Variants in GORASP2 observed in about 807,000 individuals in gnomAD.
The protein encoded by GORASP2 is Golgi reassembly-stacking protein 2.
Under a neutral mutation model 45.7 loss-of-function variants are expected in GORASP2, and 22 were observed. The ratio of observed to expected loss-of-function variants is 0.48; its 90% CI spans 0.34 to 0.69. The LOEUF (loss-of-function observed/expected upper bound fraction) is 0.69, where lower values mean the gene tolerates loss of function less well. GORASP2 is among the 30% of genes least tolerant of loss of function. GORASP2 has a pLI of 0.01. For missense variants in GORASP2, 491 were observed against 562.7 expected (o/e 0.87, Z 1.29); for synonymous variants, 221 against 215.6 (o/e 1.02, Z -0.22).
At position 170,959,067 on chromosome 2, in the gene GORASP2, T is replaced by C. The variant is rs1290826757; in HGVS notation, c.823+2508T>C. Among the ~76,000 whole-genome samples, 5 of 151,866 alleles carry C rather than the reference T, an allele frequency of 3.3e-5. No homozygotes were observed. The East Asian group carries it at 9.7e-4, about 29-fold the overall frequency. On this transcript the variant is annotated intron_variant, in intron 7 of 9. Transcript: ENST00000234160. ...CCTCCGCCTCCTGGGTTCAAGCGAT[T>C]TTCCTGCCCCAGCCTCCCGAGTAGC...
intron 5 of GORASP2, chr2:170,953,796 A>G (rs904141788): frequency 1.3e-5 from 2 of 152,252 alleles, no homozygotes; most frequent in African/African-American, 4.8e-5. Context: ...GATAGGAAGA[A>G]GTATTTGGCA....
chr2:170,960,232 C>A (rs962511433), intron 7 of GORASP2, among the ~76,000 whole-genome samples: 1 of 152,150 alleles, frequency 6.6e-6, no homozygotes, highest in African/African-American at 2.4e-5. Context: ...TGTAAAGTGC[C>A]TCAGTGCCTT....
intron 1 of GORASP2, among the ~76,000 whole-genome samples, chr2:170,937,539 T>C (rs547710130): frequency 6.6e-6 from 1 of 152,104 alleles, no homozygotes; most frequent in East Asian, 1.9e-4. Flanking sequence ...CTTTGTGGCA[T>C]GTGCCTGTAG....
At chr2:170,965,690 C>CA in intron 9 of GORASP2, 100 bp from the exon 10 acceptor site, 1 of 847,178 alleles carries the variant, frequency 1.2e-6, no homozygotes, top group East Asian at 2.5e-5. Context: ...TCCTCAACTT[C>CA]AGTTTCCTTA....
chr2:170,939,491 G>C lies in GORASP2; in HGVS notation c.64-8859G>C, dbSNP rs539225337. 1.8e-3 allele frequency among the ~76,000 whole-genome samples: 276 copies of C among 152,330 alleles called. 2 individuals carry two copies. The highest frequency in any genetic ancestry group is 6.3e-3 in the African/African-American group (262 of 41,572). On this transcript the variant is annotated intron_variant, in intron 1 of 9. Coordinates refer to ENST00000234160, the MANE Select transcript of GORASP2 (RefSeq NM_015530.5). Reference sequence around the variant, plus strand: ...CACAGTTTGACTTTCTGTGGCTTCAGTTACCTTTGGTCAACTGAGGTCCAA... The same window carrying C: ...CACAGTTTGACTTTCTGTGGCTTCACTTACCTTTGGTCAACTGAGGTCCAA...
chr2:170,963,423 C>G (rs1254159199), intron 9 of GORASP2, among the ~76,000 whole-genome samples: 2 of 148,344 alleles, frequency 1.3e-5, no homozygotes, highest in African/African-American at 5.1e-5. Flanking sequence ...TCTCTCAGTC[C>G]CCGCTGCTAC....
At chr2:170,932,920 C>T (rs536832108) in intron 1 of GORASP2, among the ~76,000 whole-genome samples, 1 of 152,308 alleles carries the variant, frequency 6.6e-6, no homozygotes, top group African/African-American at 2.4e-5. Context: ...GAATGCTACA[C>T]ATTCACTCAA....
At chr2:170,945,465 C>T (rs1704161624) in intron 1 of GORASP2, among the ~76,000 whole-genome samples, 1 of 149,610 alleles carries the variant, frequency 6.7e-6, no homozygotes, top group Admixed American at 6.7e-5. Flanking sequence ...GCACCCCACT[C>T]CACTACAGCC....
chr2:170,953,035 A>G (rs984635944), intron 5 of GORASP2, among the ~76,000 whole-genome samples: 1 of 152,152 alleles, frequency 6.6e-6, no homozygotes, highest in Admixed American at 6.5e-5. Flanking sequence ...TGTGAGATGA[A>G]GCATCATTGT....
In GORASP2 at chr2:170,965,844, T is replaced by C. The variant is rs1559317634; in HGVS notation, c.1073T>C (p.Leu358Pro). The C allele has an allele frequency of 1.2e-6, 2 of 1,613,858 alleles. No individual in the cohort carries two copies. Among genetic ancestry groups the C allele is most frequent in the South Asian group, 2.2e-5 (2 of 91,068 alleles). The change falls in exon 10 of 10, where the codon CTC becomes CCC. Residue 358 changes from leucine to proline, a missense_variant. This residue lies in a region of GORASP2 where 297 missense variants were observed against 292.3 expected (regional missense o/e 1.02). Transcript: ENST00000234160. The stretch of plus-strand genomic sequence containing the variant: ...CGAAACTTACCTGGCATTGCACCTC[T>C]CCCCCTGCCATCCGAGTTCCTCCCG... Reference protein sequence around the residue: ...PPRNLPGIAPLPLPSEFLPSF... With the variant: ...PPRNLPGIAPPPLPSEFLPSF...
intron 7 of GORASP2, among the ~76,000 whole-genome samples, chr2:170,956,992 A>G (rs1704441498): frequency 6.6e-6 from 1 of 152,222 alleles, no homozygotes. Context: ...AAAACTGCAT[A>G]TGTACTCTGT....
At chr2:170,939,016 G>A (rs1340665233) in intron 1 of GORASP2, among the ~76,000 whole-genome samples, 4 of 152,122 alleles carry the variant, frequency 2.6e-5, no homozygotes, top group Non-Finnish European at 5.9e-5. Flanking sequence ...AAAGCACAGA[G>A]AAGTTAATCT....
intron 1 of GORASP2, among the ~76,000 whole-genome samples, chr2:170,930,621 CCTCTGCCATA>C (rs1703800012): frequency 6.6e-6 from 1 of 152,116 alleles, no homozygotes; most frequent in Non-Finnish European, 1.5e-5. Flanking sequence ...AAAAATCCCT[CCTCTGCCATA>C]CTCTTAGTAG....
intron 1 of GORASP2, among the ~76,000 whole-genome samples, chr2:170,945,949 T>A (rs1704173532): frequency 6.6e-6 from 1 of 152,246 alleles, no homozygotes; most frequent in Non-Finnish European, 1.5e-5. Context: ...CTATTTGGAC[T>A]ATTATAGAAA....
intron 1 of GORASP2, among the ~76,000 whole-genome samples, chr2:170,936,046 T>G (rs1210956359): frequency 6.6e-6 from 1 of 152,160 alleles, no homozygotes; most frequent in Non-Finnish European, 1.5e-5. Flanking sequence ...AACAGGGCTT[T>G]TTAATAATTC....
chr2:170,965,755 G>A lies in GORASP2; in HGVS notation c.1019-35G>A, dbSNP rs141868728. On this transcript the variant is annotated intron_variant, in intron 9 of 9. Transcript: ENST00000234160. ...CAATGCCTGCTGTCCTTTCAGTGCT[G>A]GGAGGATGTATGATCTATGCCGTTT... The A allele has an allele frequency of 1.1e-3, 1,594 of 1,401,234 alleles. 17 individuals carry two copies. The African/African-American group carries it at 0.019, about 16-fold the overall frequency. The allele number at this position is 1,401,234 out of a possible 1,614,324, so 86.8% of individuals were successfully genotyped here.
chr2:170,948,389 C>A lies in GORASP2; in HGVS notation c.103C>A (p.Pro35Thr). 6.3e-7 allele frequency: 1 copy of A among 1,599,096 alleles called. No homozygotes were observed. The highest frequency in any genetic ancestry group is 8.6e-7 in the Non-Finnish European group (1 of 1,168,132). ...NSPGHRAGLE[P>T]FFDFIVSING... ...CCCAGGACACAGAGCTGGTTTGGAG[C>A]CTTTCTTTGATTTTATTGTTTCTAT... The change falls in exon 2 of 10, where the codon CCT (proline) becomes ACT (threonine). Residue 35 changes from proline (P) to threonine (T), a missense_variant. By Grantham distance (38) the Pro-to-Thr change is conservative (BLOSUM62 -1). Transcript: ENST00000234160.
At chr2:170,956,235 G>A (rs1445161796) in intron 6 of GORASP2, among the ~76,000 whole-genome samples, 1 of 152,224 alleles carries the variant, frequency 6.6e-6, no homozygotes, top group Non-Finnish European at 1.5e-5. Context: ...AGTGACAGGA[G>A]AGAGAGATGC....
rs1042647500 is a variant in GORASP2, at chr2:170,965,861, T to C, written c.1090T>C (p.Phe364Leu). 4.3e-6 allele frequency: 7 copies of C among 1,613,836 alleles called. No homozygotes were observed. The highest frequency in any genetic ancestry group is 1.6e-4 in the Middle Eastern group (1 of 6,062). Residue 364 changes from phenylalanine to leucine, a missense_variant, in exon 10 of 10, where the codon TTC becomes CTC. Phe to Leu is a conservative substitution (Grantham distance 22, BLOSUM62 0). Coordinates refer to ENST00000234160, the MANE Select transcript of GORASP2 (RefSeq NM_015530.5). ...GIAPLPLPSE[F>L]LPSFPLVPES... ...TGCACCTCTCCCCCTGCCATCCGAG[T>C]TCCTCCCGTCATTCCCCTTGGTTCC... is the stretch of plus-strand genomic sequence containing the variant.
Sources: allele counts gnomAD v4.1 joint callset (sites outside exome capture counted in the v4.1 genomes callset), GRCh38; gene constraint gnomAD v4.1.1; regional missense constraint gnomAD v4.1.1; transcripts MANE v1.5; gene names NCBI Gene and HGNC (gene_info 2026-07-23, HGNC 2026-07-21).